The following FAM184A variants were observed in gnomAD, a reference collection of about 807,000 sequenced individuals.
FAM184A encodes family with sequence similarity 184 member A.
Under a neutral mutation model 143.8 loss-of-function variants are expected in FAM184A, and 99 were observed. The ratio of observed to expected loss-of-function variants is 0.69; its 90% confidence interval spans 0.58 to 0.81. The LOEUF is 0.81. Ranked by LOEUF, FAM184A falls within the 40% of genes least tolerant of loss-of-function variation. The pLI is 0.00. For synonymous variants in FAM184A, 427 were observed against 446.4 expected (o/e 0.96, Z 0.55); for missense variants, 1,217 against 1,310.5 (o/e 0.93, Z 1.10).
intron 1 of FAM184A, among the ~76,000 whole-genome samples, chr6:119,076,813 T>C (rs911590592): frequency 2.0e-5 from 3 of 152,206 alleles, no homozygotes; most frequent in African/African-American, 7.2e-5. Flanking sequence ...GTTCTGATGA[T>C]ACACTACTAT....
At chr6:119,034,586 A>T (rs1786040049) in intron 1 of FAM184A, among the ~76,000 whole-genome samples, 1 of 149,742 alleles carries the variant, frequency 6.7e-6, no homozygotes, top group Non-Finnish European at 1.5e-5. Flanking sequence ...TTTTTAAAAA[A>T]ACCTTTGCTT....
chr6:118,971,355 G>C (rs540657793), intron 14 of FAM184A, among the ~76,000 whole-genome samples: 2 of 152,234 alleles, frequency 1.3e-5, no homozygotes, highest in African/African-American at 4.8e-5. Flanking sequence ...GGGGATTACT[G>C]ATCTATTTAA....
At chr6:119,025,646 T>C (rs1466375358) in intron 1 of FAM184A, 3 of 517,818 alleles carry the variant, frequency 5.8e-6, no homozygotes, top group South Asian at 1.4e-5. Flanking sequence ...CTTCCCTCTG[T>C]TCCTCGGATG....
chr6:119,042,026 A>G (rs1412704484), intron 1 of FAM184A, among the ~76,000 whole-genome samples: 1 of 152,166 alleles, frequency 6.6e-6, no homozygotes. Flanking sequence ...TCTGGGAACA[A>G]GGACCCCCTG....
chr6:119,031,335 C>A (rs1028060644), intron 1 of FAM184A: 1 of 152,152 alleles, frequency 6.6e-6, no homozygotes, highest in Admixed American at 6.5e-5. Context: ...CAAAGTGGAG[C>A]CCTCATTCTG....
intron 1 of FAM184A, among the ~76,000 whole-genome samples, chr6:119,030,854 G>T (rs962049775): frequency 6.6e-5 from 10 of 151,340 alleles, no homozygotes; most frequent in African/African-American, 2.4e-4. Flanking sequence ...ATGGAACTAT[G>T]AACATTCATG....
In FAM184A at chr6:119,055,736, C is replaced by T. The variant is rs148193485; in HGVS notation, c.159+22405G>A. ...TACTGCATTTCTTTGGGTATCACAA[C>T]ATACTTTTTTAGCCCTCTGATACTG... On this transcript the variant is annotated intron_variant, in intron 1 of 17. Transcript: ENST00000338891. Among the ~76,000 whole-genome samples, 277 of 152,302 alleles carry T rather than the reference C, an allele frequency of 1.8e-3. 2 individuals carry two copies. The highest frequency in any genetic ancestry group is 6.2e-3 in the African/African-American group (259 of 41,566).
chr6:119,128,876 T>C (rs988696063), intron 1 of FAM184A, among the ~76,000 whole-genome samples: 2 of 87,570 alleles, frequency 2.3e-5, no homozygotes, highest in Admixed American at 2.1e-4. Flanking sequence ...GAGAATCCCC[T>C]TCCCTTACTA....
At chr6:119,065,400 C>A (rs1425922283) in intron 1 of FAM184A, among the ~76,000 whole-genome samples, 1 of 152,226 alleles carries the variant, frequency 6.6e-6, no homozygotes, top group African/African-American at 2.4e-5. Flanking sequence ...GAAGCCGAGC[C>A]AGAACCACTC....
chr6:119,102,979 C>T (rs1451760529), intron 1 of FAM184A, among the ~76,000 whole-genome samples: 1 of 152,082 alleles, frequency 6.6e-6, no homozygotes, highest in Non-Finnish European at 1.5e-5. Context: ...CCTAGTTTTG[C>T]TCAGATATTC....
At chr6:119,027,374 C>G (rs2114698030) in intron 1 of FAM184A, among the ~76,000 whole-genome samples, 2 of 152,276 alleles carry the variant, frequency 1.3e-5, no homozygotes, top group South Asian at 4.1e-4. Flanking sequence ...TGAGACCTGT[C>G]TCACATACTT....
chr6:118,967,428 C>T lies in FAM184A; in HGVS notation c.2916-476G>A, dbSNP rs9372519. 8.2e-4 allele frequency among the ~76,000 whole-genome samples: 125 copies of T among 152,212 alleles called. 3 individuals carry two copies. The East Asian group carries it at 0.022, about 27-fold the overall frequency. On this transcript the variant is annotated intron_variant, in intron 14 of 17. Transcript: ENST00000338891. ...ACAGATGAAAGCAAAACAAAGGACA[C>T]ACATGTATGACGTCATTTTTTCCTG...
At chr6:119,127,374 C>G (rs772371686) in intron 1 of FAM184A, among the ~76,000 whole-genome samples, 1 of 152,164 alleles carries the variant, frequency 6.6e-6, no homozygotes, top group Non-Finnish European at 1.5e-5. Flanking sequence ...TAGAATTCTA[C>G]CTACCACAGT....
rs141125996 is a variant in FAM184A, at chr6:119,004,626, G to A, written c.1816-1004C>T. On this transcript the variant is annotated intron_variant, in intron 7 of 17. Transcript: ENST00000338891. ...AAGTACATCATTAGACATTATTGGG[G>A]TAGGTTAAAGGAAAAGAGGTACCAA... is the stretch of plus-strand genomic sequence containing the variant. 1.3e-4 allele frequency among the ~76,000 whole-genome samples: 20 copies of A among 152,258 alleles called. No individual in the cohort carries two copies. The East Asian group carries it at 3.9e-3, about 29-fold the overall frequency.
intron 1 of FAM184A, among the ~76,000 whole-genome samples, chr6:119,115,970 A>ACACACACAC (rs1789047606): frequency 5.1e-5 from 7 of 137,294 alleles, no homozygotes; most frequent in African/African-American, 1.6e-4. Flanking sequence ...CTCCGTCTCA[A>ACACACACAC]ACACACACAC....
At chr6:119,004,656 A>C (rs1363182277) in intron 7 of FAM184A, among the ~76,000 whole-genome samples, 2 of 152,216 alleles carry the variant, frequency 1.3e-5, no homozygotes, top group East Asian at 1.9e-4. Flanking sequence ...TACCAAAAAA[A>C]CACTTGGTCT....
At chr6:119,072,498 T>C (rs1415892767) in intron 1 of FAM184A, among the ~76,000 whole-genome samples, 1 of 152,232 alleles carries the variant, frequency 6.6e-6, no homozygotes, top group African/African-American at 2.4e-5. Flanking sequence ...AAAGAGTATC[T>C]AGATAATTCA....
chr6:119,091,914 T>C (rs186194639), intron 1 of FAM184A, among the ~76,000 whole-genome samples: 205 of 152,328 alleles, frequency 1.3e-3, no homozygotes, highest in Admixed American at 3.4e-3. Flanking sequence ...ATGGCCTCCA[T>C]ACCTGCTGAC....
At chr6:119,111,543 A>G (rs1788934494) in intron 1 of FAM184A, among the ~76,000 whole-genome samples, 1 of 152,242 alleles carries the variant, frequency 6.6e-6, no homozygotes. Context: ...TTGAATTTCC[A>G]GGGAAGTGAG....
Sources: gnomAD v4.1 joint callset for allele counts (sites outside exome capture counted in the v4.1 genomes callset) on GRCh38, gnomAD v4.1.1 for gene constraint, MANE v1.5 for transcripts, NCBI Gene and HGNC (gene_info 2026-07-23, HGNC 2026-07-21) for gene names.